Variants in KCTD20 observed in about 807,000 individuals in gnomAD.
KCTD20 encodes the protein potassium channel tetramerization domain containing 20.
A neutral mutation model predicts 39.6 loss-of-function variants in KCTD20; 30 were observed. That is an observed-to-expected ratio of 0.76 (90% CI 0.57 to 1.03). The LOEUF is 1.03. Among genes scored for constraint, KCTD20 ranks in the 50% least tolerant of loss-of-function variants. KCTD20 has a pLI of 0.00. For synonymous variants in KCTD20, 162 were observed against 180.6 expected (o/e 0.90, Z 0.83); for missense variants, 422 against 522.0 (o/e 0.81, Z 1.87).
chr6:36,468,942 T>A (rs1775836713), intron 1 of KCTD20, among the ~76,000 whole-genome samples: 1 of 152,212 alleles, frequency 6.6e-6, no homozygotes. Flanking sequence ...GGGCATAAAC[T>A]GATCAATTTT....
chr6:36,482,232 TGTTCG>T (rs1422019753), intron 6 of KCTD20, among the ~76,000 whole-genome samples: 3 of 152,186 alleles, frequency 2.0e-5, no homozygotes, highest in Admixed American at 1.3e-4. Flanking sequence ...ATTATACAAC[TGTTCG>T]GTGCCATGTG....
In KCTD20 at chr6:36,481,617, C is replaced by A; in HGVS notation, c.714C>A (p.Tyr238Ter). ...NDGAHKQFDH[Y>*]LEELILPIMV... ...GTGCTCATAAGCAGTTTGATCACTA[C>A]CTCGAAGAGCTCATCTTGCCCATCA... is the stretch of plus-strand genomic sequence containing the variant. Residue 238 changes from tyrosine (Y) to a stop codon, truncating the protein, a stop_gained, in exon 6 of 8, where the codon TAC (tyrosine) becomes TAA (stop). Transcript: ENST00000373731. LOFTEE classifies it high-confidence loss of function. The A allele has an allele frequency of 1.2e-6, 2 of 1,614,210 alleles. No homozygotes were observed. Among genetic ancestry groups the A allele is most frequent in the South Asian group, 1.1e-5 (1 of 91,086 alleles).
chr6:36,475,599 AG>A (rs1776039998), intron 3 of KCTD20, among the ~76,000 whole-genome samples: 1 of 152,190 alleles, frequency 6.6e-6, no homozygotes, highest in African/African-American at 2.4e-5. Context: ...GCCCCACAAA[AG>A]GAAATAAAAT....
chr6:36,474,571 C>G (rs1232867155), intron 2 of KCTD20, among the ~76,000 whole-genome samples: 1 of 152,146 alleles, frequency 6.6e-6, no homozygotes, highest in Admixed American at 6.5e-5. Flanking sequence ...CTCCCTCCCC[C>G]AACCCTCACA....
At chr6:36,467,102 G>GT (rs1775777072) in intron 1 of KCTD20, among the ~76,000 whole-genome samples, 1 of 151,744 alleles carries the variant, frequency 6.6e-6, no homozygotes, top group South Asian at 2.1e-4. Context: ...GAGGTCAGGA[G>GT]TTTGAGACCA....
intron 5 of KCTD20, 137 bp from the exon 6 acceptor site, chr6:36,481,425 A>G (rs768030476): frequency 1.1e-5 from 7 of 665,734 alleles, no homozygotes; most frequent in Non-Finnish European, 1.6e-5. Context: ...TGGAGCAGGA[A>G]ACAATCTCTT....
At position 36,479,666 on chromosome 6, in the gene KCTD20, C is replaced by A; in HGVS notation, c.613C>A (p.Leu205Ile). Reference protein sequence around the residue: ...IPDLRDTCDYLCINFDFNTIR... With the variant: ...IPDLRDTCDYICINFDFNTIR... The stretch of plus-strand genomic sequence containing the variant: ...AGATCTTAGAGATACTTGTGATTAT[C>A]TCTGCATTAATTTTGACTTCAACAC... The change falls in exon 5 of 8, where the codon CTC becomes ATC. Residue 205 changes from leucine (L) to isoleucine (I), a missense_variant. Leu to Ile is a conservative substitution (Grantham distance 5). Transcript: ENST00000373731. The A allele has an allele frequency of 1.2e-6, 2 of 1,610,044 alleles. No individual in the cohort carries two copies. Among genetic ancestry groups the A allele is most frequent in the African/African-American group, 1.3e-5 (1 of 74,862 alleles).
chr6:36,445,329 G>A (rs571448472), intron 1 of KCTD20, among the ~76,000 whole-genome samples: 4 of 150,622 alleles, frequency 2.7e-5, no homozygotes, highest in Non-Finnish European at 4.4e-5. Context: ...AATAATACAC[G>A]CATTTTTATA....
At chr6:36,472,964 A>C (rs1775954605) in intron 2 of KCTD20, among the ~76,000 whole-genome samples, 1 of 151,466 alleles carries the variant, frequency 6.6e-6, no homozygotes, top group Non-Finnish European at 1.5e-5. Flanking sequence ...GCAGTGGTAC[A>C]ATCTTGGCTT....
At chr6:36,452,561 T>A (rs898957927) in intron 1 of KCTD20, 15 of 141,234 alleles carry the variant, frequency 1.1e-4, no homozygotes, top group African/African-American at 3.5e-4. Context: ...TTTTTTTTTT[T>A]AGATGAAGTC....
In KCTD20 at chr6:36,489,859, A is replaced by G. The variant is rs750926228; in HGVS notation, c.*2684A>G. On this transcript the variant is annotated 3_prime_UTR_variant, in exon 8 of 8. Coordinates refer to ENST00000373731, the MANE Select transcript of KCTD20 (RefSeq NM_173562.5). ...ATCTGCATCATATCATGCTGTTTTG[A>G]TGAGGAAACATTTGCCACTGAGGAG... 1 of 152,208 alleles carries G rather than the reference A, an allele frequency of 6.6e-6. No homozygotes were observed. Among genetic ancestry groups the G allele is most frequent in the Non-Finnish European group, 1.5e-5 (1 of 68,036 alleles). The allele number at this position is 152,208 out of a possible 1,614,324, so 9.4% of individuals were successfully genotyped here. A position where few individuals can be genotyped will look rare whatever the true frequency, so the allele number is the denominator to read the frequency against.
intron 1 of KCTD20, among the ~76,000 whole-genome samples, chr6:36,451,802 T>C (rs1251215779): frequency 6.6e-6 from 1 of 152,012 alleles, no homozygotes; most frequent in Non-Finnish European, 1.5e-5. Flanking sequence ...ATTTTAGTTA[T>C]TTTCAAACAG....
chr6:36,471,901 TG>T (rs1409865998), intron 2 of KCTD20, among the ~76,000 whole-genome samples: 1 of 150,958 alleles, frequency 6.6e-6, no homozygotes, highest in Non-Finnish European at 1.5e-5. Context: ...CAGGCTGGAG[TG>T]CGGTGGCGCG....
intron 6 of KCTD20, among the ~76,000 whole-genome samples, chr6:36,484,103 T>C (rs1182787261): frequency 6.6e-6 from 1 of 151,938 alleles, no homozygotes; most frequent in Non-Finnish European, 1.5e-5. Flanking sequence ...CTATGCCTAA[T>C]TTTTCTATTT....
chr6:36,469,621 T>C lies in KCTD20; in HGVS notation c.-46-431T>C, dbSNP rs1775853561. 6.6e-6 allele frequency among the ~76,000 whole-genome samples: 1 copy of C among 152,222 alleles called. No homozygotes were observed. The highest frequency in any genetic ancestry group is 2.4e-5 in the African/African-American group (1 of 41,456). ...CACTGGCTTTAAGGTTGTGATTGTT[T>C]TTTAATTTCCTGGTGCTTAATTGTT... On this transcript the variant is annotated intron_variant, in intron 1 of 7. Transcript: ENST00000373731. This position sits in a 1 kb window ranked among gnomAD's most constrained non-coding sequence, Gnocchi z 4.6.
At chr6:36,464,485 A>C (rs1345016394) in intron 1 of KCTD20, among the ~76,000 whole-genome samples, 1 of 152,128 alleles carries the variant, frequency 6.6e-6, no homozygotes, top group African/African-American at 2.4e-5. Context: ...CACACCAGCT[A>C]ATTTCTTATC....
intron 1 of KCTD20, among the ~76,000 whole-genome samples, chr6:36,447,767 C>G (rs1775092854): frequency 6.6e-6 from 1 of 151,792 alleles, no homozygotes. Context: ...GACATGGGCA[C>G]ATCGCTTGAG....
intron 1 of KCTD20, among the ~76,000 whole-genome samples, chr6:36,465,214 T>C (rs1193437577): frequency 6.6e-6 from 1 of 150,692 alleles, no homozygotes. Flanking sequence ...GAGAATTGCT[T>C]GAACCCGGGA....
intron 1 of KCTD20, among the ~76,000 whole-genome samples, chr6:36,455,584 T>C (rs776230325): frequency 3.7e-5 from 5 of 134,466 alleles, no homozygotes; most frequent in Admixed American, 1.6e-4. Context: ...CCAAAGAAAA[T>C]AGAACCAGTA....
Sources: allele counts gnomAD v4.1 joint callset (sites outside exome capture counted in the v4.1 genomes callset), GRCh38; gene constraint gnomAD v4.1.1; non-coding constraint Gnocchi (gnomAD v3.1); transcripts MANE v1.5; gene names NCBI Gene and HGNC (gene_info 2026-07-23, HGNC 2026-07-21).